AHR: variants seen among roughly 807,000 people sequenced by gnomAD.
AHR encodes AH-receptor.
A neutral mutation model predicts 86.8 loss-of-function variants in AHR; 40 were observed. The observed-to-expected ratio is 0.46, with a 90% CI of 0.36 to 0.60. AHR has a LOEUF of 0.60. AHR is among the 20% of genes least tolerant of loss of function. The pLI, the probability that AHR is intolerant of heterozygous loss-of-function variation, is 0.00. For missense variants in AHR, 1,001 were observed against 1,011.6 expected, an observed-to-expected ratio of 0.99 and a Z score of 0.14; for synonymous variants, 398 against 354.9, an observed-to-expected ratio of 1.12 and a Z score of -1.37.
Position 17,299,231 on chromosome 7 carries a change from C to T in AHR, c.-34C>T, listed in dbSNP as rs756138019. ...GGTTCCGGGGACCCGGCCGCCAGTG[C>T]CCGGGGAGTAGCCGCCGCCGTCGGC... On this transcript the variant is annotated 5_prime_UTR_variant, in exon 1 of 11. Transcript: ENST00000242057. 8.7e-6 allele frequency: 14 copies of T among 1,605,510 alleles called. No individual in the cohort carries two copies. Among genetic ancestry groups the T allele is most frequent in the African/African-American group, 2.7e-5 (2 of 74,250 alleles).
At position 17,334,875 on chromosome 7, in the gene AHR, T is replaced by A. The variant is rs1323948926; in HGVS notation, c.909-12T>A. ...AATCCATTCTTATTTTACCTTTTTTTATTTTAAACAGAGGAAGAATTGTTT... is the reference window on the plus strand; with the variant it reads ...AATCCATTCTTATTTTACCTTTTTTAATTTTAAACAGAGGAAGAATTGTTT... On this transcript the variant is annotated splice_polypyrimidine_tract_variant and intron_variant, in intron 7 of 10. Transcript: ENST00000242057. 6.4e-7 allele frequency: 1 copy of A among 1,571,324 alleles called. No homozygotes were observed. Among genetic ancestry groups the A allele is most frequent in the Non-Finnish European group, 8.7e-7 (1 of 1,152,470 alleles).
At chr7:17,310,586 G>T (rs1368081570) in intron 2 of AHR, among the ~76,000 whole-genome samples, 1 of 149,720 alleles carries the variant, frequency 6.7e-6, no homozygotes, top group Admixed American at 6.7e-5. Context: ...CCAGGCTCGA[G>T]TGCAATGACA....
At position 17,339,127 on chromosome 7, in the gene AHR, C is replaced by T; in HGVS notation, c.1302C>T (p.Gly434=). The T allele has an allele frequency of 1.2e-6, 2 of 1,614,096 alleles. No individual in the cohort carries two copies. The highest frequency in any genetic ancestry group is 1.7e-6 in the Non-Finnish European group (2 of 1,180,010). ...CCTTACCACTAAGGACTAAAAATGG[C>T]ACTAGTGGAAAAGACTCTGCTACCA... The part of the protein sequence containing the change: ...MDPLPLRTKN[G]TSGKDSATTS... Residue 434 remains glycine (G), a synonymous_variant, in exon 10 of 11, where the codon GGC becomes GGT. Coordinates refer to ENST00000242057, the MANE Select transcript of AHR (RefSeq NM_001621.5).
rs1263445816 is a variant in AHR, at chr7:17,314,082, A to G, written c.253+3959A>G. 3.3e-5 allele frequency among the ~76,000 whole-genome samples: 5 copies of G among 152,146 alleles called. No individual in the cohort carries two copies. In the East Asian group the frequency reaches 5.8e-4, roughly 18 times the overall value. ...ATTTTGTTCAAATTATTCTGTTTTT[A>G]TACAGCTGCCCCAAAATTGAGAATT... On this transcript the variant is annotated intron_variant, in intron 2 of 10. Transcript: ENST00000242057.
chr7:17,299,841 A>T (rs1451868511), intron 1 of AHR, among the ~76,000 whole-genome samples: 2 of 152,208 alleles, frequency 1.3e-5, no homozygotes, highest in African/African-American at 4.8e-5. Flanking sequence ...GGTCCCCACC[A>T]ACTGGCTTTG....
chr7:17,339,452 A>T lies in AHR; in HGVS notation c.1627A>T (p.Met543Leu). 6.2e-7 allele frequency: 1 copy of T among 1,614,212 alleles called. No homozygotes were observed. Among genetic ancestry groups the T allele is most frequent in the Non-Finnish European group, 8.5e-7 (1 of 1,180,038 alleles). Residue 543 changes from methionine to leucine, a missense_variant, in exon 10 of 11, where the codon ATG becomes TTG. This residue lies in a region of AHR where 607 missense variants were observed against 543.1 expected (regional missense o/e 1.12). Coordinates refer to ENST00000242057, the MANE Select transcript of AHR (RefSeq NM_001621.5). ...DSKNSDLYSI[M>L]KNLGIDFEDI... ...TAAAAACAGTGACTTGTACAGCATAATGAAAAACCTAGGCATTGATTTTGA... is the reference window on the plus strand; with the variant it reads ...TAAAAACAGTGACTTGTACAGCATATTGAAAAACCTAGGCATTGATTTTGA...
chr7:17,314,289 T>C (rs1197396487), intron 2 of AHR, among the ~76,000 whole-genome samples: 3 of 152,052 alleles, frequency 2.0e-5, no homozygotes, highest in Non-Finnish European at 4.4e-5. Context: ...TCTTGAATCA[T>C]TATACATGCT....
At chr7:17,310,204 C>A in intron 2 of AHR, 81 bp downstream of exon 2, 1 of 1,322,860 alleles carries the variant, frequency 7.6e-7, no homozygotes, top group Non-Finnish European at 1.0e-6. Flanking sequence ...GTGTTAATAA[C>A]TACAAAAATT....
intron 6 of AHR, among the ~76,000 whole-genome samples, chr7:17,333,596 G>A (rs1782322690): frequency 6.6e-6 from 1 of 151,962 alleles, no homozygotes; most frequent in Admixed American, 6.6e-5. Context: ...ATTGCCTGGT[G>A]TGCAAGGAGC....
chr7:17,325,133 A>G (rs17137574), intron 3 of AHR, among the ~76,000 whole-genome samples: 9,363 of 152,250 alleles, frequency 0.061, 959 homozygotes, highest in African/African-American at 0.21. Flanking sequence ...TTTAATTAGC[A>G]TATTAATTCC....
Position 17,340,107 on chromosome 7 carries a change from C to T in AHR, c.2282C>T (p.Pro761Leu). ...AATCCACAGTCAGCCATAATAACTC[C>T]TCAGACATGTTATGCTGGGGCCGTG... is the stretch of plus-strand genomic sequence containing the variant. Reference protein sequence around the residue: ...GLNPQSAIITPQTCYAGAVSM... With the variant: ...GLNPQSAIITLQTCYAGAVSM... Residue 761 changes from proline to leucine, a missense_variant, in exon 10 of 11, where the codon CCT (proline) becomes CTT (leucine). Pro to Leu is a moderately conservative substitution (Grantham distance 98, BLOSUM62 -3). Around this residue, in one of 2 missense-constraint regions of AHR, gnomAD observed 607 missense variants for 543.1 expected, o/e 1.12. Transcript: ENST00000242057. 1 of 1,614,198 alleles carries T rather than the reference C, an allele frequency of 6.2e-7. No homozygotes were observed. Among genetic ancestry groups the T allele is most frequent in the Non-Finnish European group, 8.5e-7 (1 of 1,180,042 alleles).
chr7:17,339,966 G>C lies in AHR; in HGVS notation c.2141G>C (p.Cys714Ser). Residue 714 changes from cysteine to serine, a missense_variant, in exon 10 of 11, where the codon TGT (cysteine) becomes TCT (serine). Cys to Ser is a moderately radical substitution (Grantham distance 112). Around this residue, in one of 2 missense-constraint regions of AHR, gnomAD observed 607 missense variants for 543.1 expected, o/e 1.12. Coordinates refer to ENST00000242057, the MANE Select transcript of AHR (RefSeq NM_001621.5). ...CCTGTATTACCACAACATTCCAAATGTACAGAGCTGGACTACCCTATGGGG... is the reference window on the plus strand; with the variant it reads ...CCTGTATTACCACAACATTCCAAATCTACAGAGCTGGACTACCCTATGGGG... The part of the protein sequence containing the change: ...NQPVLPQHSK[C>S]TELDYPMGSF... 6.2e-6 allele frequency: 10 copies of C among 1,614,160 alleles called. No individual in the cohort carries two copies. The highest frequency in any genetic ancestry group is 8.5e-6 in the Non-Finnish European group (10 of 1,180,014).
In AHR at chr7:17,334,987, C is replaced by T; in HGVS notation, c.1009C>T (p.His337Tyr). 1 of 1,612,350 alleles carries T rather than the reference C, an allele frequency of 6.2e-7. No homozygotes were observed. The highest frequency in any genetic ancestry group is 8.5e-7 in the Non-Finnish European group (1 of 1,178,782). ...TGATATGCTTTATTGTGCCGAGTCC[C>T]ATATCCGAAGTAAGTTGTAGTTCCT... Reference protein sequence around the residue: ...AADMLYCAESHIRMIKTGESG... With the variant: ...AADMLYCAESYIRMIKTGESG... The change falls in exon 8 of 11, where the codon CAT becomes TAT. Residue 337 changes from histidine (H) to tyrosine (Y), a missense_variant. This residue lies in a region of AHR where 394 missense variants were observed against 468.5 expected (regional missense o/e 0.84). Transcript: ENST00000242057.
chr7:17,317,301 C>T (rs931866647), intron 2 of AHR, among the ~76,000 whole-genome samples: 5 of 151,640 alleles, frequency 3.3e-5, no homozygotes, highest in Non-Finnish European at 5.9e-5. Flanking sequence ...TTTCTTTTAT[C>T]GAAAGTGGCA....
chr7:17,331,726 T>C (rs1782297420), intron 6 of AHR, among the ~76,000 whole-genome samples: 2 of 152,018 alleles, frequency 1.3e-5, no homozygotes, highest in Non-Finnish European at 1.5e-5. Flanking sequence ...TGCATAGGAG[T>C]TGACTGTAGG....
intron 3 of AHR, 141 bp from the exon 4 acceptor site, chr7:17,327,618 T>C (rs41486450): frequency 0.013 from 5,012 of 372,444 alleles, 174 homozygotes; most frequent in African/African-American, 0.079. Flanking sequence ...AGTCCAGGAG[T>C]GTATGTTTTG....
chr7:17,332,137 A>T (rs1342232711), intron 6 of AHR, among the ~76,000 whole-genome samples: 1 of 151,922 alleles, frequency 6.6e-6, no homozygotes, highest in African/African-American at 2.4e-5. Context: ...CATTGCTCAC[A>T]TGTTGATGGT....
intron 9 of AHR, among the ~76,000 whole-genome samples, chr7:17,337,933 T>C (rs967658361): frequency 6.6e-6 from 1 of 151,798 alleles, no homozygotes; most frequent in Non-Finnish European, 1.5e-5. Flanking sequence ...ATACATTATG[T>C]TACAAATATT....
intron 2 of AHR, among the ~76,000 whole-genome samples, chr7:17,321,372 T>A (rs905291192): frequency 1.3e-5 from 2 of 151,984 alleles, no homozygotes; most frequent in African/African-American, 2.4e-5. Context: ...TTTTTTTTTT[T>A]AATTACCACC....
Sources: allele counts gnomAD v4.1 joint callset (sites outside exome capture counted in the v4.1 genomes callset), GRCh38; gene constraint gnomAD v4.1.1; regional missense constraint gnomAD v4.1.1; transcripts MANE v1.5; gene names NCBI Gene and HGNC (gene_info 2026-07-23, HGNC 2026-07-21).